The following NELL1 variants were observed in gnomAD, a reference collection of about 807,000 sequenced individuals.
The protein encoded by NELL1 is neural EGFL like 1.
A neutral mutation model predicts 107.4 loss-of-function variants in NELL1; 76 were observed. That is an observed-to-expected ratio of 0.71 (90% CI 0.59 to 0.86). NELL1 has a LOEUF of 0.86. Among genes scored for constraint, NELL1 ranks in the 40% least tolerant of loss-of-function variants. The pLI is 0.00. For synonymous variants in NELL1, 353 were observed against 341.2 expected, an observed-to-expected ratio of 1.03 and a Z score of -0.38; for missense variants, 1,024 against 1,005.5, an observed-to-expected ratio of 1.02 and a Z score of -0.25.
intron 5 of NELL1, among the ~76,000 whole-genome samples, chr11:20,892,070 C>T (rs1409060414): frequency 1.3e-5 from 2 of 152,188 alleles, no homozygotes; most frequent in African/African-American, 2.4e-5. Context: ...ACATTCTTCT[C>T]AGTGCCACAT....
chr11:21,176,053 C>T (rs1238195371), intron 13 of NELL1, among the ~76,000 whole-genome samples: 2 of 151,820 alleles, frequency 1.3e-5, no homozygotes, highest in Admixed American at 6.6e-5. Context: ...CTATTTCCTT[C>T]CTGCAAACTC....
In NELL1 at chr11:20,941,171, A is replaced by C. The variant is rs1253276036; in HGVS notation, c.1071+3312A>C. Among the ~76,000 whole-genome samples the C allele has an allele frequency of 2.6e-5, 4 of 151,912 alleles. 1 individual carries two copies. The highest frequency in any genetic ancestry group is 4.4e-5 in the Non-Finnish European group (3 of 67,988). Reference sequence around the variant, plus strand: ...AGTAAAACAAAACAAAACAAAACCCACCTCCAACATATCATAATGGGAAGT... The same window carrying C: ...AGTAAAACAAAACAAAACAAAACCCCCCTCCAACATATCATAATGGGAAGT... On this transcript the variant is annotated intron_variant, in intron 10 of 19. Transcript: ENST00000357134.
At chr11:21,059,820 T>C (rs937940262) in intron 12 of NELL1, among the ~76,000 whole-genome samples, 1 of 152,162 alleles carries the variant, frequency 6.6e-6, no homozygotes, top group Non-Finnish European at 1.5e-5. Context: ...AGGTTGGAGC[T>C]ATGTCCTTAA....
intron 12 of NELL1, among the ~76,000 whole-genome samples, chr11:21,098,544 T>G (rs1854712716): frequency 6.6e-6 from 1 of 152,144 alleles, no homozygotes; most frequent in South Asian, 2.1e-4. Flanking sequence ...CCTACCTGGC[T>G]CTGTCCTACC....
chr11:21,404,160 G>A (rs1852174255), intron 15 of NELL1, among the ~76,000 whole-genome samples: 1 of 151,812 alleles, frequency 6.6e-6, no homozygotes, highest in Admixed American at 6.6e-5. Flanking sequence ...AAACAGCCTG[G>A]CTATTTTTGG....
At chr11:20,899,904 C>CAAT (rs1187486208) in intron 5 of NELL1, among the ~76,000 whole-genome samples, 3 of 94,554 alleles carry the variant, frequency 3.2e-5, no homozygotes, top group Non-Finnish European at 4.7e-5. Flanking sequence ...CTTCAAATAA[C>CAAT]TATGGTAGTC....
At chr11:21,050,403 A>G (rs1450996625) in intron 12 of NELL1, among the ~76,000 whole-genome samples, 1 of 151,930 alleles carries the variant, frequency 6.6e-6, no homozygotes, top group Non-Finnish European at 1.5e-5. Context: ...TTTTGAGACA[A>G]TCTATTTTAA....
chr11:21,214,422 C>T (rs934426589), intron 13 of NELL1, among the ~76,000 whole-genome samples: 2 of 151,852 alleles, frequency 1.3e-5, no homozygotes, highest in Non-Finnish European at 2.9e-5. Context: ...AGTGTAGATA[C>T]AGATGGCGAG....
At chr11:20,715,108 G>A (rs561300921) in intron 2 of NELL1, among the ~76,000 whole-genome samples, 2 of 152,036 alleles carry the variant, frequency 1.3e-5, no homozygotes, top group Non-Finnish European at 2.9e-5. Context: ...AGCTGGGCGT[G>A]GTGGCGGGCG....
At chr11:21,468,661 A>G (rs1854094202) in intron 15 of NELL1, among the ~76,000 whole-genome samples, 1 of 152,118 alleles carries the variant, frequency 6.6e-6, no homozygotes, top group South Asian at 2.1e-4. Context: ...CTATGACCAT[A>G]CCTAAAGGGA....
intron 12 of NELL1, among the ~76,000 whole-genome samples, chr11:21,028,138 C>T (rs1245700581): frequency 1.3e-5 from 2 of 152,104 alleles, no homozygotes; most frequent in African/African-American, 2.4e-5. Context: ...AGAAGCCATT[C>T]TATATTTCTG....
intron 13 of NELL1, among the ~76,000 whole-genome samples, chr11:21,122,012 A>T (rs1313722090): frequency 6.6e-6 from 1 of 152,210 alleles, no homozygotes; most frequent in African/African-American, 2.4e-5. Flanking sequence ...TTGAAATTTC[A>T]TGATGAAAAT....
At chr11:21,519,684 C>T (rs1030382597) in intron 15 of NELL1, among the ~76,000 whole-genome samples, 1 of 151,932 alleles carries the variant, frequency 6.6e-6, no homozygotes, top group African/African-American at 2.4e-5. Flanking sequence ...GGTGCCTGCC[C>T]CCAGGATGAA....
intron 13 of NELL1, among the ~76,000 whole-genome samples, chr11:21,157,445 T>C (rs577422480): frequency 6.6e-6 from 1 of 152,338 alleles, no homozygotes; most frequent in South Asian, 2.1e-4. Context: ...AATTAAAATG[T>C]GTACCATCAG....
chr11:20,743,122 G>A (rs1305902022), intron 2 of NELL1, among the ~76,000 whole-genome samples: 1 of 151,972 alleles, frequency 6.6e-6, no homozygotes, highest in Non-Finnish European at 1.5e-5. Flanking sequence ...GGAGGCCTAG[G>A]CAGGTGTATC....
intron 15 of NELL1, among the ~76,000 whole-genome samples, chr11:21,491,692 G>A (rs1590974659): frequency 6.6e-6 from 1 of 151,820 alleles, no homozygotes; most frequent in African/African-American, 2.4e-5. Flanking sequence ...CTCTTTTTTG[G>A]TTCCATATGA....
At chr11:21,346,505 T>C (rs1276874237) in intron 14 of NELL1, among the ~76,000 whole-genome samples, 2 of 148,196 alleles carry the variant, frequency 1.3e-5, no homozygotes, top group Non-Finnish European at 3.0e-5. Context: ...AAATTTAAAA[T>C]ATTAAATAAA....
intron 2 of NELL1, among the ~76,000 whole-genome samples, chr11:20,742,810 C>T (rs764008755): frequency 1.3e-5 from 2 of 152,114 alleles, no homozygotes; most frequent in African/African-American, 4.8e-5. Flanking sequence ...CACAGCCAAA[C>T]CATATCACCG....
intron 2 of NELL1, among the ~76,000 whole-genome samples, chr11:20,687,440 C>T (rs556706120): frequency 2.0e-5 from 3 of 151,782 alleles, no homozygotes; most frequent in South Asian, 4.2e-4. Flanking sequence ...CAGTAGAAGA[C>T]AGACTATTTG....
Sources: allele counts gnomAD v4.1 joint callset (sites outside exome capture counted in the v4.1 genomes callset), GRCh38; gene constraint gnomAD v4.1.1; transcripts MANE v1.5; gene names NCBI Gene and HGNC (gene_info 2026-07-23, HGNC 2026-07-21).